Variants in GPHN observed in about 807,000 individuals in gnomAD.
GPHN encodes gephyrin.
A neutral mutation model predicts 95.5 loss-of-function variants in GPHN; 17 were observed. The ratio of observed to expected loss-of-function variants is 0.18; its 90% CI spans 0.12 to 0.27. The LOEUF is 0.27. Among genes scored for constraint, GPHN ranks in the 10% least tolerant of loss-of-function variants. The probability of loss-of-function intolerance (pLI) is 1.00; values close to 1 mark genes in which losing one functional copy is unlikely to be tolerated. For missense variants in GPHN, 660 were observed against 978.1 expected (o/e 0.67, Z 4.34); for synonymous variants, 320 against 322.5 (o/e 0.99, Z 0.08).
chr14:67,337,650 AATGGATGCGAGAAAGACTGAGTCCCC>A, the GPHN span: 2 of 152,366 alleles, frequency 1.3e-5, no homozygotes, highest in South Asian at 2.1e-4. Flanking sequence ...AATGCCTGGA[AATGGATGCGAGAAAGACTGAGTCCCC>A]ATGGATGGCT....
intron 13 of GPHN, among the ~76,000 whole-genome samples, chr14:67,101,225 G>A (rs1379452637): frequency 1.3e-5 from 2 of 151,830 alleles, no homozygotes; most frequent in African/African-American, 2.4e-5. Context: ...ACAATTTCTA[G>A]GTAGTCTTCT....
the GPHN span, chr14:67,279,445 A>G: frequency 6.2e-7 from 1 of 1,613,474 alleles, no homozygotes; most frequent in Non-Finnish European, 8.5e-7. Context: ...AAACTAGCCC[A>G]AATTCCTCCA....
the GPHN span, chr14:67,600,314 C>T: frequency 2.2e-6 from 2 of 915,156 alleles, no homozygotes; most frequent in Non-Finnish European, 3.1e-6. Flanking sequence ...CACGCCCCGC[C>T]CTAAGCCTGC....
chr14:66,681,012 CT>C (rs1004389052), intron 1 of GPHN, 94 bp from the exon 2 acceptor site: 43 of 711,732 alleles, frequency 6.0e-5, no homozygotes, highest in Non-Finnish European at 9.8e-5. Flanking sequence ...AAAAAAAAAG[CT>C]ATTTTTCATT....
chr14:67,343,580 C>A, the GPHN span: 1 of 629,328 alleles, frequency 1.6e-6, no homozygotes, highest in South Asian at 2.1e-5. Context: ...AAACAAAATT[C>A]TTAGGCTGGG....
rs768588294 is a variant in GPHN, at chr14:66,922,795, C to A, written c.586C>A (p.Pro196Thr). The change falls in exon 7 of 23, where the codon CCT becomes ACT. Residue 196 changes from proline (P) to threonine (T), a missense_variant. Physicochemically the swap from Pro to Thr is conservative, Grantham distance 38. Transcript: ENST00000478722. ...LPSPPPPLSP[P>T]PTTSPHKQTE... Reference sequence around the variant, plus strand: ...TTCCCCACCTCCCCCTCTTTCCCCTCCTCCTACTACCAGCCCCCATAAACA... The same window carrying A: ...TTCCCCACCTCCCCCTCTTTCCCCTACTCCTACTACCAGCCCCCATAAACA... 14 of 1,613,368 alleles carry A rather than the reference C, an allele frequency of 8.7e-6. No individual in the cohort carries two copies. In the East Asian group the frequency reaches 1.6e-4, roughly 18 times the overall value.
intron 2 of GPHN, among the ~76,000 whole-genome samples, chr14:66,693,706 A>T (rs1245024929): frequency 3.3e-5 from 5 of 152,200 alleles, no homozygotes. Context: ...TCTCCTCTGG[A>T]AACATTCTCA....
chr14:67,204,466 T>G, the GPHN span: 1 of 1,458,906 alleles, frequency 6.9e-7, no homozygotes, highest in Non-Finnish European at 9.0e-7. Flanking sequence ...AATATATATA[T>G]ATATAAGAAA....
the GPHN span, among the ~76,000 whole-genome samples, chr14:67,688,476 T>C: frequency 6.6e-6 from 1 of 152,154 alleles, no homozygotes; most frequent in African/African-American, 2.4e-5. Flanking sequence ...AGGAAAATTA[T>C]TGGAAAGGGG....
intron 4 of GPHN, among the ~76,000 whole-genome samples, chr14:66,871,428 T>C (rs1489303455): frequency 6.6e-6 from 1 of 152,232 alleles, no homozygotes; most frequent in African/African-American, 2.4e-5. Flanking sequence ...ATATTAACAC[T>C]ATCCAAGAAG....
chr14:67,254,031 C>CG, the GPHN span, among the ~76,000 whole-genome samples: 2 of 141,610 alleles, frequency 1.4e-5, no homozygotes, highest in East Asian at 2.2e-4. Context: ...TTCATCCCCC[C>CG]CCCCTTACAA....
At position 66,682,466 on chromosome 14, in the gene GPHN, T is replaced by C. The variant is rs1203704246; in HGVS notation, c.143+1281T>C. On this transcript the variant is annotated intron_variant, in intron 2 of 22. Transcript: ENST00000478722. ...GCTTATTTGAATGAATAAAATAAAT[T>C]ACTGGCCAGGCGTGGTGGCTCATGC... Among the ~76,000 whole-genome samples, 4 of 152,252 alleles carry C rather than the reference T, an allele frequency of 2.6e-5. No individual in the cohort carries two copies. The East Asian group carries it at 5.8e-4, about 22-fold the overall frequency.
At chr14:67,557,452 T>G in the GPHN span, 2 of 1,599,990 alleles carry the variant, frequency 1.3e-6, no homozygotes, top group South Asian at 2.2e-5. Flanking sequence ...CACCATGCCC[T>G]CTTCGACATC....
the GPHN span, chr14:67,685,978 C>T: frequency 6.6e-6 from 1 of 152,230 alleles, no homozygotes; most frequent in Admixed American, 6.5e-5. Context: ...TTTCTGGCTG[C>T]TCTGTCTCAG....
chr14:67,580,787 G>C, the GPHN span: 134 of 593,380 alleles, frequency 2.3e-4, no homozygotes, highest in Non-Finnish European at 7.6e-5. Context: ...TTGGGTCCAG[G>C]AAGCATGAAG....
chr14:67,665,120 T>C, the GPHN span, among the ~76,000 whole-genome samples: 34 of 152,350 alleles, frequency 2.2e-4, no homozygotes, highest in African/African-American at 7.7e-4. Context: ...CCCAAAGTGC[T>C]GGGATAACAG....
At chr14:67,589,570 T>C in the GPHN span, 5 of 985,452 alleles carry the variant, frequency 5.1e-6, no homozygotes, top group Middle Eastern at 5.2e-4. Flanking sequence ...TTATTAACAG[T>C]AAATAAATAA....
At chr14:66,676,222 GATTTTTTAT>G (rs1275575965) in intron 1 of GPHN, among the ~76,000 whole-genome samples, 1 of 151,916 alleles carries the variant, frequency 6.6e-6, no homozygotes, top group Non-Finnish European at 1.5e-5. Flanking sequence ...GAGTCTTCAG[GATTTTTTAT>G]ATGTAAGATT....
chr14:66,701,547 A>G (rs1426225711), intron 2 of GPHN, among the ~76,000 whole-genome samples: 1 of 152,200 alleles, frequency 6.6e-6, no homozygotes, highest in Non-Finnish European at 1.5e-5. Context: ...GTGGCAGCCC[A>G]CTTGGGAGCC....
Sources: allele counts gnomAD v4.1 joint callset (sites outside exome capture counted in the v4.1 genomes callset), GRCh38; gene constraint gnomAD v4.1.1; transcripts MANE v1.5; gene names NCBI Gene and HGNC (gene_info 2026-07-23, HGNC 2026-07-21).